The following AP1AR variants were observed in gnomAD, a reference collection of about 807,000 sequenced individuals.
AP1AR encodes AP-1 complex-associated regulatory protein.
In AP1AR, 29 loss-of-function variants were observed where a neutral mutation model predicts 46.3. The ratio of observed to expected loss-of-function variants is 0.63; its 90% CI spans 0.47 to 0.85. The LOEUF (loss-of-function observed/expected upper bound fraction) is 0.85. Among genes scored for constraint, AP1AR ranks in the 40% least tolerant of loss-of-function variants. The pLI is 0.00. For synonymous variants in AP1AR, 122 were observed against 122.9 expected, an observed-to-expected ratio of 0.99 and a Z score of 0.05; for missense variants, 357 against 356.3, an observed-to-expected ratio of 1.00 and a Z score of -0.02.
rs80047287 is a variant in AP1AR at position 112,272,836 on chromosome 4, C to G, written c.*4427C>G. ...AAATGATATATTTTGGAATTATGCC[C>G]GCTTTTTTTTCAATAGATAAATATA... On this transcript the variant is annotated 3_prime_UTR_variant, in exon 10 of 10. Transcript: ENST00000274000. 6.6e-6 allele frequency: 1 copy of G among 151,954 alleles called. No individual in the cohort carries two copies. The highest frequency in any genetic ancestry group is 2.4e-5 in the African/African-American group (1 of 41,306). 9.4% of individuals were successfully genotyped at this position (151,954 alleles called of 1,614,324 possible). A position where few individuals can be genotyped will look rare whatever the true frequency, so the allele number is the denominator to read the frequency against.
intron 6 of AP1AR, among the ~76,000 whole-genome samples, chr4:112,263,757 C>CA (rs1175525610): frequency 6.6e-6 from 1 of 152,164 alleles, no homozygotes; most frequent in Non-Finnish European, 1.5e-5. Context: ...ATTTAATCCT[C>CA]ACAACAATCT....
rs1242020888 is a variant in AP1AR at position 112,269,711 on chromosome 4, C to T, written c.*1302C>T. On this transcript the variant is annotated 3_prime_UTR_variant, in exon 10 of 10. Coordinates refer to ENST00000274000, the MANE Select transcript of AP1AR (RefSeq NM_018569.6). ...CCCTTTCAATATTTGAACTGCTAAG[C>T]AATGACATCTGTAGTTTTATCTCCT... 2 of 151,804 alleles carry T rather than the reference C, an allele frequency of 1.3e-5. No individual in the cohort carries two copies. Among genetic ancestry groups the T allele is most frequent in the South Asian group, 2.1e-4 (1 of 4,808 alleles). 9.4% of individuals were successfully genotyped at this position (151,804 alleles called of 1,614,324 possible). A position where few individuals can be genotyped will look rare whatever the true frequency, so the allele number is the denominator to read the frequency against.
intron 1 of AP1AR, among the ~76,000 whole-genome samples, chr4:112,252,041 G>T (rs1725982067): frequency 6.6e-6 from 1 of 152,066 alleles, no homozygotes; most frequent in Non-Finnish European, 1.5e-5. Flanking sequence ...CCAAGAATTT[G>T]CGACCAGGCT....
At chr4:112,259,739 A>G (rs994036675) in intron 4 of AP1AR, among the ~76,000 whole-genome samples, 5 of 152,180 alleles carry the variant, frequency 3.3e-5, no homozygotes, top group African/African-American at 1.2e-4. Context: ...GTCCCAGAGA[A>G]TTGCCTGGAG....
chr4:112,246,590 T>G lies in AP1AR; in HGVS notation c.84-6618T>G, dbSNP rs1298460469. Among the ~76,000 whole-genome samples, 3 of 152,210 alleles carry G rather than the reference T, an allele frequency of 2.0e-5. No homozygotes were observed. The East Asian group carries it at 5.8e-4, about 29-fold the overall frequency. On this transcript the variant is annotated intron_variant, in intron 1 of 9. Transcript: ENST00000274000. ...TCCCAGGCTCTCACCTTCAACCTCT[T>G]GGGTCAGGTGAGAAAACCAAGGTAA... is the stretch of plus-strand genomic sequence containing the variant.
Position 112,270,162 on chromosome 4 carries a change from GA to G in AP1AR, c.*1756del, listed in dbSNP as rs1185652911. 1 of 152,488 alleles carries G rather than the reference GA, an allele frequency of 6.6e-6. No individual in the cohort carries two copies. The highest frequency in any genetic ancestry group is 1.5e-5 in the Non-Finnish European group (1 of 67,996). 9.4% of individuals were successfully genotyped at this position (152,488 alleles called of 1,614,324 possible). A position where few individuals can be genotyped will look rare whatever the true frequency, so the allele number is the denominator to read the frequency against. On this transcript the variant is annotated 3_prime_UTR_variant, in exon 10 of 10. Transcript: ENST00000274000. ...TGATGTGAAGACAAAAGTAAATTAA[GA>G]AAGCAAGATGGAACTAGAAAATGTG...
chr4:112,252,804 T>C (rs1198751673), intron 1 of AP1AR, among the ~76,000 whole-genome samples: 1 of 152,224 alleles, frequency 6.6e-6, no homozygotes, highest in East Asian at 1.9e-4. Context: ...TACTTAATGT[T>C]CTGTGTATTT....
rs1726409423 is a variant in AP1AR at position 112,260,818 on chromosome 4, A to G, written c.238A>G (p.Ile80Val). ...CCTAAGAGAAAGGCATTATGATTCC[A>G]TTGCCGAAAAACAAAAAGATCTTGA... ...VDLRERHYDS[I>V]AEKQKDLDKK... Residue 80 changes from isoleucine (I) to valine (V), a missense_variant, in exon 5 of 10, where the codon ATT (isoleucine) becomes GTT (valine). Ile to Val is a conservative substitution (Grantham distance 29, BLOSUM62 3). Coordinates refer to ENST00000274000, the MANE Select transcript of AP1AR (RefSeq NM_018569.6). 6.2e-7 allele frequency: 1 copy of G among 1,607,570 alleles called. No homozygotes were observed.
chr4:112,256,954 G>A (rs547303695), intron 3 of AP1AR, among the ~76,000 whole-genome samples: 6 of 152,240 alleles, frequency 3.9e-5, no homozygotes, highest in Admixed American at 2.0e-4. Flanking sequence ...TTCAATGTGC[G>A]TTTCTGTGTA....
At chr4:112,260,910 A>G (rs1474549031) in intron 5 of AP1AR, 48 bp downstream of exon 5, 2 of 1,182,924 alleles carry the variant, frequency 1.7e-6, no homozygotes, top group East Asian at 2.5e-5. Flanking sequence ...ATAAAGAGAG[A>G]ATTGTCATTA....
chr4:112,261,849 A>G (rs887129459), intron 5 of AP1AR, among the ~76,000 whole-genome samples: 4 of 151,710 alleles, frequency 2.6e-5, no homozygotes, highest in African/African-American at 9.7e-5. Context: ...ATGCACCTAT[A>G]GTCCCAGCTA....
intron 1 of AP1AR, among the ~76,000 whole-genome samples, chr4:112,241,929 T>G (rs1247150475): frequency 6.6e-6 from 1 of 152,236 alleles, no homozygotes; most frequent in Non-Finnish European, 1.5e-5. Context: ...TTTTAATTTT[T>G]AATAGACTTT....
At chr4:112,246,373 G>A (rs1241982328) in intron 1 of AP1AR, among the ~76,000 whole-genome samples, 2 of 152,168 alleles carry the variant, frequency 1.3e-5, no homozygotes, top group African/African-American at 4.8e-5. Flanking sequence ...GGGCATGGTG[G>A]TGCACGCCTG....
intron 9 of AP1AR, 147 bp from the exon 10 acceptor site, chr4:112,267,997 A>T: frequency 1.4e-6 from 1 of 693,248 alleles, no homozygotes. Flanking sequence ...ATTTCCCTTA[A>T]GAAGGCCTCC....
Position 112,256,257 on chromosome 4 carries a change from C to T in AP1AR, c.159+1484C>T, listed in dbSNP as rs113136050. Among the ~76,000 whole-genome samples, 1,021 of 152,184 alleles carry T rather than the reference C, an allele frequency of 6.7e-3. 8 individuals carry two copies. Among genetic ancestry groups the T allele is most frequent in the African/African-American group, 0.023 (957 of 41,524 alleles). On this transcript the variant is annotated intron_variant, in intron 3 of 9. Transcript: ENST00000274000. Reference sequence around the variant, plus strand: ...GACACATTTTGGAAACTATTTTAGCCGTTTGTTCTCCCAGTAAAATATCAT... The same window carrying T: ...GACACATTTTGGAAACTATTTTAGCTGTTTGTTCTCCCAGTAAAATATCAT...
Position 112,242,777 on chromosome 4 carries a change from G to C in AP1AR, c.84-10431G>C, listed in dbSNP as rs1725564549. 3.3e-5 allele frequency among the ~76,000 whole-genome samples: 5 copies of C among 152,130 alleles called. No homozygotes were observed. In the South Asian group the frequency reaches 1.0e-3, roughly 31 times the overall value. ...ATCAAATTTCAACATGAGATTGTTA[G>C]GGGACAAACATCCAAGCTATAACAC... On this transcript the variant is annotated intron_variant, in intron 1 of 9. Coordinates refer to ENST00000274000, the MANE Select transcript of AP1AR (RefSeq NM_018569.6).
intron 8 of AP1AR, among the ~76,000 whole-genome samples, 174 bp from the exon 9 acceptor site, chr4:112,266,410 GTTTC>G (rs1472071260): frequency 6.6e-6 from 1 of 151,586 alleles, no homozygotes; most frequent in Non-Finnish European, 1.5e-5. Context: ...AGAGAGAAAA[GTTTC>G]TTTATACTGT....
chr4:112,263,114 T>C, intron 6 of AP1AR, 28 bp downstream of exon 6: 2 of 1,553,428 alleles, frequency 1.3e-6, no homozygotes, highest in Non-Finnish European at 1.8e-6. Flanking sequence ...CAGCATATAT[T>C]AGGGTTGCTT....
At chr4:112,259,467 A>G (rs1377721821) in intron 4 of AP1AR, among the ~76,000 whole-genome samples, 1 of 152,206 alleles carries the variant, frequency 6.6e-6, no homozygotes, top group African/African-American at 2.4e-5. Context: ...GAGGATTACA[A>G]TTTGCTAATA....
Sources: allele counts gnomAD v4.1 joint callset (sites outside exome capture counted in the v4.1 genomes callset), GRCh38; gene constraint gnomAD v4.1.1; transcripts MANE v1.5; gene names NCBI Gene and HGNC (gene_info 2026-07-23, HGNC 2026-07-21).